Variants in ATP6V0A4 observed in about 807,000 individuals in gnomAD.
ATP6V0A4 encodes ATPase H+ transporting V0 subunit a4.
In ATP6V0A4, 86 loss-of-function variants were observed where a neutral mutation model predicts 107.3. The observed-to-expected ratio is 0.80, with a 90% CI of 0.67 to 0.96. The LOEUF is 0.96. Ranked by LOEUF, ATP6V0A4 falls within the 40% of genes least tolerant of loss-of-function variation. ATP6V0A4 has a pLI of 0.00. For synonymous variants in ATP6V0A4, 353 were observed against 381.4 expected, an observed-to-expected ratio of 0.93 and a Z score of 0.87; for missense variants, 908 against 1,045.6, an observed-to-expected ratio of 0.87 and a Z score of 1.81.
chr7:138,710,316 C>T (rs1584884650), intron 20 of ATP6V0A4, among the ~76,000 whole-genome samples: 2 of 151,884 alleles, frequency 1.3e-5, no homozygotes, highest in East Asian at 3.9e-4. Context: ...CTCAGCCTCC[C>T]GAGTAGCTGG....
chr7:138,775,039 G>A (rs747399737), intron 2 of ATP6V0A4, among the ~76,000 whole-genome samples: 29 of 152,260 alleles, frequency 1.9e-4, no homozygotes, highest in African/African-American at 3.4e-4. Context: ...AGCCACCTGC[G>A]TTTGTTTGAA....
chr7:138,738,999 T>C (rs1805482735), intron 15 of ATP6V0A4, among the ~76,000 whole-genome samples: 1 of 152,220 alleles, frequency 6.6e-6, no homozygotes, highest in African/African-American at 2.4e-5. Flanking sequence ...GCTTTATATC[T>C]ACAGGCTGCG....
At chr7:138,770,219 GGAAAA>G (rs1807310132) in intron 3 of ATP6V0A4, among the ~76,000 whole-genome samples, 2 of 150,418 alleles carry the variant, frequency 1.3e-5, no homozygotes, top group Admixed American at 6.7e-5. Context: ...TAAAAAGAAA[GGAAAA>G]GAAAAGAAAA....
chr7:138,747,303 C>T, intron 13 of ATP6V0A4, 122 bp downstream of exon 13: 1 of 1,303,986 alleles, frequency 7.7e-7, no homozygotes, highest in African/African-American at 1.5e-5. Flanking sequence ...TAATTTGGCT[C>T]TTTTTTACTT....
At chr7:138,770,807 G>A (rs1807341843) in intron 3 of ATP6V0A4, among the ~76,000 whole-genome samples, 1 of 152,142 alleles carries the variant, frequency 6.6e-6, no homozygotes, top group Admixed American at 6.5e-5. Context: ...TAATCTACAT[G>A]CCCATTGGCT....
chr7:138,769,004 A>C, intron 4 of ATP6V0A4, 130 bp from the exon 5 acceptor site: 1 of 1,567,682 alleles, frequency 6.4e-7, no homozygotes, highest in Non-Finnish European at 8.7e-7. Context: ...CTGCCACAGC[A>C]CCTGGATCCC....
At chr7:138,733,376 A>G (rs940238579) in intron 16 of ATP6V0A4, among the ~76,000 whole-genome samples, 1 of 152,010 alleles carries the variant, frequency 6.6e-6, no homozygotes, top group Non-Finnish European at 1.5e-5. Flanking sequence ...CCACACAGAG[A>G]GGGTGGTGAT....
intron 12 of ATP6V0A4, among the ~76,000 whole-genome samples, chr7:138,748,538 C>T (rs939705655): frequency 6.6e-6 from 1 of 152,102 alleles, no homozygotes; most frequent in Non-Finnish European, 1.5e-5. Context: ...TCCTGAGTAG[C>T]TGGGATTACA....
intron 3 of ATP6V0A4, among the ~76,000 whole-genome samples, chr7:138,770,116 T>A (rs913521782): frequency 5.9e-5 from 9 of 151,856 alleles, no homozygotes; most frequent in Middle Eastern, 6.8e-3. Flanking sequence ...CAAAGGACAC[T>A]TAACAGTGTC....
intron 21 of ATP6V0A4, 134 bp from the exon 22 acceptor site, chr7:138,706,851 A>T: frequency 1.4e-6 from 2 of 1,424,582 alleles, no homozygotes; most frequent in Non-Finnish European, 1.9e-6. Context: ...TGGCCACGGC[A>T]GGCACCCAGG....
chr7:138,728,446 C>A (rs1044150497), intron 18 of ATP6V0A4, among the ~76,000 whole-genome samples: 3 of 152,122 alleles, frequency 2.0e-5, no homozygotes, highest in Non-Finnish European at 2.9e-5. Context: ...AGGCTGGTCT[C>A]AAACTCCCGA....
intron 20 of ATP6V0A4, among the ~76,000 whole-genome samples, chr7:138,713,109 T>C (rs1441840358): frequency 6.6e-6 from 1 of 150,426 alleles, no homozygotes; most frequent in Non-Finnish European, 1.5e-5. Flanking sequence ...GCCATCATGG[T>C]GAAACCCCGT....
intron 12 of ATP6V0A4, among the ~76,000 whole-genome samples, chr7:138,748,686 G>T (rs945753407): frequency 2.6e-5 from 4 of 152,136 alleles, no homozygotes; most frequent in Non-Finnish European, 4.4e-5. Context: ...GATTACAGGC[G>T]TGAGCCACCA....
chr7:138,721,358 G>A (rs1310399618), intron 19 of ATP6V0A4, among the ~76,000 whole-genome samples: 1 of 152,128 alleles, frequency 6.6e-6, no homozygotes, highest in Non-Finnish European at 1.5e-5. Flanking sequence ...GGCCAACATG[G>A]TGAAGCCCCA....
chr7:138,711,643 G>T (rs1803748751), intron 20 of ATP6V0A4, among the ~76,000 whole-genome samples: 1 of 152,170 alleles, frequency 6.6e-6, no homozygotes, highest in Non-Finnish European at 1.5e-5. Context: ...CAGTGATGCA[G>T]AGTCTTTCAT....
At chr7:138,754,113 G>C (rs1342755699) in intron 10 of ATP6V0A4, among the ~76,000 whole-genome samples, 1 of 152,194 alleles carries the variant, frequency 6.6e-6, no homozygotes, top group Non-Finnish European at 1.5e-5. Flanking sequence ...TGGGGAAACA[G>C]TGTTCCTGAC....
intron 16 of ATP6V0A4, 24 bp downstream of exon 16, chr7:138,734,112 C>G: frequency 6.3e-7 from 1 of 1,592,826 alleles, no homozygotes; most frequent in Non-Finnish European, 8.6e-7. Flanking sequence ...ACAGAGCAGG[C>G]AGAGAGTGCA....
chr7:138,730,609 G>A lies in ATP6V0A4; in HGVS notation c.1909-1747C>T, dbSNP rs567415311. Among the ~76,000 whole-genome samples the A allele has an allele frequency of 5.9e-5, 9 of 152,302 alleles. No homozygotes were observed. In the South Asian group the frequency reaches 1.9e-3, roughly 32 times the overall value. On this transcript the variant is annotated intron_variant, in intron 17 of 21. Coordinates refer to ENST00000310018, the MANE Select transcript of ATP6V0A4 (RefSeq NM_020632.3). ...ATAAGCCACGCATTCACTGTGCAAT[G>A]CTCAGTGCTTATTCCAGACTAAGTG...
At chr7:138,749,799 C>G (rs189783961) in intron 11 of ATP6V0A4, among the ~76,000 whole-genome samples, 24 of 152,302 alleles carry the variant, frequency 1.6e-4, no homozygotes, top group Non-Finnish European at 3.2e-4. Context: ...ACTCCCTGCC[C>G]CTTCAGCAGA....
Sources: allele counts gnomAD v4.1 joint callset (sites outside exome capture counted in the v4.1 genomes callset), GRCh38; gene constraint gnomAD v4.1.1; transcripts MANE v1.5; gene names NCBI Gene and HGNC (gene_info 2026-07-23, HGNC 2026-07-21).